The following CDC42SE2 variants were observed in gnomAD, a reference collection of about 807,000 sequenced individuals.
CDC42SE2 encodes the protein CDC42 small effector 2, also known as CDC42 small effector protein 2.
A neutral mutation model predicts 11.5 loss-of-function variants in CDC42SE2; 3 were observed. That is an observed-to-expected ratio of 0.26 (90% confidence interval 0.12 to 0.67). CDC42SE2 has a LOEUF of 0.67. Among genes scored for constraint, CDC42SE2 ranks in the 30% least tolerant of loss-of-function variants. The pLI is 0.80. For synonymous variants in CDC42SE2, 33 were observed against 34.8 expected, an observed-to-expected ratio of 0.95 and a Z score of 0.18; for missense variants, 82 against 106.8, an observed-to-expected ratio of 0.77 and a Z score of 1.02.
the CDC42SE2 span, among the ~76,000 whole-genome samples, chr5:131,238,812 C>T: frequency 1.3e-5 from 2 of 151,794 alleles, no homozygotes; most frequent in Admixed American, 6.6e-5. Context: ...TGTCTGTTGT[C>T]TTTCATACGC....
chr5:131,359,857 A>G (rs1405137859), intron 3 of CDC42SE2, among the ~76,000 whole-genome samples: 1 of 152,172 alleles, frequency 6.6e-6, no homozygotes, highest in Non-Finnish European at 1.5e-5. Context: ...CAGATAAATC[A>G]GCCTTGGAAG....
At chr5:131,269,518 C>T (rs1756947560) in intron 1 of CDC42SE2, among the ~76,000 whole-genome samples, 1 of 152,096 alleles carries the variant, frequency 6.6e-6, no homozygotes, top group Non-Finnish European at 1.5e-5. Flanking sequence ...CCTGTAATCC[C>T]AGCACTTTGG....
chr5:131,236,434 A>T, the CDC42SE2 span, among the ~76,000 whole-genome samples: 16 of 151,828 alleles, frequency 1.1e-4, no homozygotes, highest in African/African-American at 3.9e-4. Context: ...TATTATTATT[A>T]TTATTTTTTT....
intron 3 of CDC42SE2, among the ~76,000 whole-genome samples, chr5:131,362,484 C>T (rs182203967): frequency 6.6e-6 from 1 of 152,252 alleles, no homozygotes; most frequent in East Asian, 1.9e-4. Context: ...ACTGCCTTAT[C>T]TTAAAGCTGC....
At chr5:131,333,593 C>G (rs1258284797) in intron 2 of CDC42SE2, among the ~76,000 whole-genome samples, 4 of 152,152 alleles carry the variant, frequency 2.6e-5, no homozygotes, top group African/African-American at 9.7e-5. Context: ...TTTTTCCTAC[C>G]CATGAGCATG....
chr5:131,231,519 T>A, the CDC42SE2 span, among the ~76,000 whole-genome samples: 11 of 152,340 alleles, frequency 7.2e-5, no homozygotes, highest in African/African-American at 2.6e-4. Flanking sequence ...TGGGCCAGTT[T>A]GGTTGGGACT....
intron 1 of CDC42SE2, among the ~76,000 whole-genome samples, chr5:131,278,724 CCCCCCTCCCCTCCCCT>C (rs1757161446): frequency 4.4e-4 from 4 of 9,194 alleles, no homozygotes; most frequent in Non-Finnish European, 6.8e-4. Flanking sequence ...CCCCTCCCCT[CCCCCCTCCCCTCCCCT>C]CCCCCTCCCC....
At chr5:131,387,971 C>G (rs555444542) in intron 4 of CDC42SE2, among the ~76,000 whole-genome samples, 12 of 152,278 alleles carry the variant, frequency 7.9e-5, no homozygotes, top group African/African-American at 2.6e-4. Context: ...GCACTGTGTT[C>G]TTGCTGCTAG....
chr5:131,347,584 G>T lies in CDC42SE2; in HGVS notation c.-285-11625G>T, dbSNP rs1561593772. 2.0e-5 allele frequency among the ~76,000 whole-genome samples: 3 copies of T among 152,206 alleles called. No individual in the cohort carries two copies. In the South Asian group the frequency reaches 6.2e-4, roughly 32 times the overall value. ...CTACCAGAGGTACAAAGAGGAGCTG[G>T]TACCATTCCTTCTGAAACTACTCCA... On this transcript the variant is annotated intron_variant, in intron 2 of 4. Transcript: ENST00000505065.
chr5:131,354,139 T>G (rs1356279256), intron 2 of CDC42SE2, among the ~76,000 whole-genome samples: 1 of 151,656 alleles, frequency 6.6e-6, no homozygotes, highest in Non-Finnish European at 1.5e-5. Flanking sequence ...ACTTGGAAGA[T>G]TAAGGGTAGG....
chr5:131,310,950 T>A (rs901128881), intron 1 of CDC42SE2, among the ~76,000 whole-genome samples: 2 of 151,656 alleles, frequency 1.3e-5, no homozygotes, highest in Non-Finnish European at 2.9e-5. Flanking sequence ...CATTTAAAGT[T>A]AATATTGTTA....
chr5:131,253,243 C>T (rs1165707749), intron 1 of CDC42SE2: 1 of 152,164 alleles, frequency 6.6e-6, no homozygotes, highest in Non-Finnish European at 1.5e-5. Flanking sequence ...ACCTCAGTGG[C>T]GAAGGGATGT....
In CDC42SE2 at chr5:131,391,888, T is replaced by C. The variant is rs1434760637; in HGVS notation, c.*797T>C. ...TATTCTGTAATTTTTTTTTGTCCTG[T>C]GATTGCTTTTATTTTGAATTACAAA... On this transcript the variant is annotated 3_prime_UTR_variant, in exon 5 of 5. Coordinates refer to ENST00000505065, the MANE Select transcript of CDC42SE2 (RefSeq NM_001375635.1). 2.0e-5 allele frequency: 3 copies of C among 152,344 alleles called. No homozygotes were observed. Among genetic ancestry groups the C allele is most frequent in the African/African-American group, 7.2e-5 (3 of 41,456 alleles). 9.4% of individuals were successfully genotyped at this position (152,344 alleles called of 1,614,324 possible). A position where few individuals can be genotyped will look rare whatever the true frequency, so the allele number is the denominator to read the frequency against.
chr5:131,248,856 CTT>C (rs1419918123), intron 1 of CDC42SE2, among the ~76,000 whole-genome samples: 2 of 151,956 alleles, frequency 1.3e-5, no homozygotes, highest in African/African-American at 2.4e-5. Flanking sequence ...TGTAGGAAGA[CTT>C]ATTATTATGA....
At chr5:131,294,125 A>G (rs755899878) in intron 1 of CDC42SE2, among the ~76,000 whole-genome samples, 1 of 152,178 alleles carries the variant, frequency 6.6e-6, no homozygotes. Flanking sequence ...TCAAGTATAC[A>G]CTGTTTGAAA....
intron 1 of CDC42SE2, among the ~76,000 whole-genome samples, chr5:131,299,262 A>T (rs1465022679): frequency 1.3e-5 from 2 of 152,180 alleles, no homozygotes; most frequent in Non-Finnish European, 2.9e-5. Flanking sequence ...TAGAAGTATC[A>T]TTCTAGCCAA....
intron 3 of CDC42SE2, among the ~76,000 whole-genome samples, chr5:131,362,303 C>G (rs1337823594): frequency 6.6e-6 from 1 of 152,042 alleles, no homozygotes; most frequent in Non-Finnish European, 1.5e-5. Context: ...GATTTCTTAC[C>G]TTTTTGATTC....
At chr5:131,296,872 T>TTTTC (rs552619595) in intron 1 of CDC42SE2, among the ~76,000 whole-genome samples, 1 of 152,120 alleles carries the variant, frequency 6.6e-6, no homozygotes, top group African/African-American at 2.4e-5. Flanking sequence ...TGCAAGTTCT[T>TTTTC]TTTCTTTCTT....
the CDC42SE2 span, among the ~76,000 whole-genome samples, chr5:131,222,574 A>G: frequency 2.6e-5 from 4 of 152,206 alleles, no homozygotes; most frequent in Non-Finnish European, 4.4e-5. Flanking sequence ...ACAAACATAA[A>G]ATGAATGGAG....
Sources: allele counts gnomAD v4.1 joint callset (sites outside exome capture counted in the v4.1 genomes callset), GRCh38; gene constraint gnomAD v4.1.1; transcripts MANE v1.5; gene names NCBI Gene and HGNC (gene_info 2026-07-23, HGNC 2026-07-21).